CSMD2: variants seen among roughly 807,000 people sequenced by gnomAD.
CSMD2 encodes CUB and sushi domain-containing protein 2.
CSMD2 carries 130 observed loss-of-function variants against 398.5 expected under a neutral mutation model. The observed-to-expected ratio is 0.33, with a 90% CI of 0.28 to 0.38. The LOEUF is 0.38. CSMD2 is among the 10% of genes least tolerant of loss of function. The probability of loss-of-function intolerance (pLI) is 1.00; values close to 1 mark genes in which losing one functional copy is unlikely to be tolerated. For missense variants in CSMD2, 3,829 were observed against 4,764.9 expected (o/e 0.80, Z 5.78); for synonymous variants, 1,828 against 1,908.5 (o/e 0.96, Z 1.10).
intron 3 of CSMD2, among the ~76,000 whole-genome samples, chr1:33,942,496 C>T (rs1046145300): frequency 3.9e-5 from 6 of 152,242 alleles, no homozygotes; most frequent in Admixed American, 6.5e-5. Context: ...CAGAGGGCCC[C>T]GCCCTGCTGG....
At chr1:33,523,815 A>G (rs1654529212) in intron 66 of CSMD2, among the ~76,000 whole-genome samples, 1 of 152,216 alleles carries the variant, frequency 6.6e-6, no homozygotes, top group South Asian at 2.1e-4. Flanking sequence ...GTGTGAAATG[A>G]GCAAATGTCA....
intron 1 of CSMD2, among the ~76,000 whole-genome samples, chr1:34,119,326 AACATAAAAGGAAAGCTTTATG>A (rs1448867868): frequency 6.6e-6 from 1 of 152,242 alleles, no homozygotes; most frequent in Non-Finnish European, 1.5e-5. Context: ...CCTAGAAGAA[AACATAAAAGGAAAGCTTTATG>A]ACATTGGATT....
intron 65 of CSMD2, among the ~76,000 whole-genome samples, chr1:33,526,500 G>A (rs1219921539): frequency 1.3e-5 from 2 of 152,210 alleles, no homozygotes; most frequent in Non-Finnish European, 2.9e-5. Flanking sequence ...TGTTGCATGT[G>A]TAAAAGCACC....
intron 12 of CSMD2, among the ~76,000 whole-genome samples, chr1:33,778,044 C>T (rs879774960): frequency 6.6e-6 from 1 of 152,198 alleles, no homozygotes; most frequent in Non-Finnish European, 1.5e-5. Context: ...ATTCCCCTGG[C>T]TTGAGCTTCC....
chr1:33,917,998 C>T, intron 5 of CSMD2, 96 bp downstream of exon 5: 1 of 1,126,400 alleles, frequency 8.9e-7, no homozygotes, highest in Non-Finnish European at 1.3e-6. Flanking sequence ...TAAGAGGCCT[C>T]TGGCTGCAGG....
chr1:33,785,893 C>A (rs936975783), intron 12 of CSMD2, among the ~76,000 whole-genome samples: 1 of 152,204 alleles, frequency 6.6e-6, no homozygotes, highest in Non-Finnish European at 1.5e-5. Flanking sequence ...ACACAGCTCT[C>A]AAATCTCCCA....
intron 19 of CSMD2, among the ~76,000 whole-genome samples, chr1:33,722,586 AT>A (rs1424418548): frequency 6.6e-6 from 1 of 151,938 alleles, no homozygotes; most frequent in Non-Finnish European, 1.5e-5. Context: ...AGCTTTGCTC[AT>A]TTTGCGGGCT....
At chr1:34,088,922 T>C (rs1252956508) in intron 2 of CSMD2, 55 bp downstream of exon 2, 2 of 1,417,290 alleles carry the variant, frequency 1.4e-6, no homozygotes, top group Non-Finnish European at 2.0e-6. Flanking sequence ...TTCCTCCTAG[T>C]GAGCTTGGCT....
intron 17 of CSMD2, 23 bp from the exon 18 acceptor site, chr1:33,724,727 G>C (rs375321945): frequency 6.2e-7 from 1 of 1,607,976 alleles, no homozygotes; most frequent in South Asian, 1.1e-5. Flanking sequence ...GGCCACAGCT[G>C]GGACAGACAG....
chr1:33,581,354 TAAAAAAAAAAAAAAAA>T (rs35599517), intron 47 of CSMD2, among the ~76,000 whole-genome samples: 2 of 84,222 alleles, frequency 2.4e-5, no homozygotes, highest in Non-Finnish European at 2.3e-5. Context: ...CCATCTTTAC[TAAAAAAAAAAAAAAAA>T]AAAAAAAAAA....
At chr1:33,920,434 C>T (rs375469748) in intron 4 of CSMD2, among the ~76,000 whole-genome samples, 6 of 149,612 alleles carry the variant, frequency 4.0e-5, no homozygotes, top group Admixed American at 6.7e-5. Flanking sequence ...CCCAGCTACC[C>T]GGGAGGCCAA....
chr1:33,540,103 T>A (rs1043375747), intron 60 of CSMD2, among the ~76,000 whole-genome samples: 11 of 152,062 alleles, frequency 7.2e-5, no homozygotes, highest in African/African-American at 2.7e-4. Context: ...AGGATACAAC[T>A]GGGCCAGGTG....
rs750964733 is a variant in CSMD2 at position 33,698,859 on chromosome 1, G to A, written c.3819C>T (p.Ser1273=). 26 of 1,614,066 alleles carry A rather than the reference G, an allele frequency of 1.6e-5. No individual in the cohort carries two copies. The highest frequency in any genetic ancestry group is 1.5e-4 in the South Asian group (14 of 91,090). ...ATCCAGGGTCACAGCTGAAGGACAC[G>A]GAGCTCCCTGCAAAATGACCTTCAT... ...VHDEGHFAGS[S]VSFSCDPGYS... Residue 1273 remains serine, a synonymous_variant, in exon 24 of 71, where the codon TCC becomes TCT. Transcript: ENST00000373381.
chr1:33,716,586 C>G, intron 19 of CSMD2, 85 bp from the exon 20 acceptor site: 2 of 967,856 alleles, frequency 2.1e-6, no homozygotes, highest in Non-Finnish European at 3.2e-6. Flanking sequence ...ACAAACATTT[C>G]CAGTTTGCAA....
At chr1:33,978,918 C>T (rs1249856335) in intron 3 of CSMD2, among the ~76,000 whole-genome samples, 1 of 152,204 alleles carries the variant, frequency 6.6e-6, no homozygotes, top group Admixed American at 6.5e-5. Context: ...ATTGCCATCT[C>T]TATTTTACAG....
At chr1:33,705,324 CG>C (rs869179114) in intron 22 of CSMD2, among the ~76,000 whole-genome samples, 1 of 132,924 alleles carries the variant, frequency 7.5e-6, no homozygotes, top group Non-Finnish European at 1.7e-5. Flanking sequence ...TTCACTGTAA[CG>C]TGCAATACAT....
At chr1:33,813,669 C>T (rs1431305674) in intron 9 of CSMD2, among the ~76,000 whole-genome samples, 1 of 152,128 alleles carries the variant, frequency 6.6e-6, no homozygotes, top group South Asian at 2.1e-4. Flanking sequence ...CACCTGGACC[C>T]ACAGCCAGTT....
At chr1:33,926,355 T>C (rs1644127105) in intron 4 of CSMD2, among the ~76,000 whole-genome samples, 3 of 152,200 alleles carry the variant, frequency 2.0e-5, no homozygotes, top group Admixed American at 6.5e-5. Context: ...GATAGTGGTT[T>C]GGTAAGCCAT....
At chr1:34,102,617 A>ATCCGG (rs1558390416) in intron 1 of CSMD2, among the ~76,000 whole-genome samples, 5 of 75,326 alleles carry the variant, frequency 6.6e-5, no homozygotes, top group Admixed American at 4.2e-4. Context: ...CTGTGATCCA[A>ATCCGG]CCATATCCCT....
Sources: allele counts gnomAD v4.1 joint callset (sites outside exome capture counted in the v4.1 genomes callset), GRCh38; gene constraint gnomAD v4.1.1; transcripts MANE v1.5; gene names NCBI Gene and HGNC (gene_info 2026-07-23, HGNC 2026-07-21).